Variants in GRXCR2 observed in about 807,000 individuals in gnomAD.
GRXCR2 encodes the protein glutaredoxin and cysteine rich domain containing 2.
A neutral mutation model predicts 24.8 loss-of-function variants in GRXCR2; 23 were observed. The ratio of observed to expected loss-of-function variants is 0.93; its 90% confidence interval spans 0.67 to 1.32. GRXCR2 has a LOEUF of 1.32. Among genes scored for constraint, GRXCR2 ranks in the 40% most tolerant of loss-of-function variants. The pLI is 0.00. For synonymous variants in GRXCR2, 130 were observed against 116.1 expected (o/e 1.12, Z -0.77); for missense variants, 315 against 303.4 (o/e 1.04, Z -0.28).
chr5:145,867,574 C>T (rs1756458258), intron 1 of GRXCR2, among the ~76,000 whole-genome samples: 1 of 152,106 alleles, frequency 6.6e-6, no homozygotes, highest in East Asian at 1.9e-4. Context: ...CAGGAATAAA[C>T]CTGGACAATA....
chr5:145,889,238 A>AAGAAAGAG (rs1561683205), intron 2 of GRXCR2, among the ~76,000 whole-genome samples: 17 of 149,032 alleles, frequency 1.1e-4, no homozygotes, highest in Admixed American at 5.4e-4. Flanking sequence ...GAAAGAAAGA[A>AAGAAAGAG]AGAAAGAATT....
chr5:145,870,597 A>T (rs191510137), intron 1 of GRXCR2, among the ~76,000 whole-genome samples: 44 of 152,296 alleles, frequency 2.9e-4, no homozygotes, highest in Non-Finnish European at 5.3e-4. Flanking sequence ...ATTGCACTTA[A>T]TTGCTACCCA....
chr5:145,862,326 T>G (rs549128222), intron 2 of GRXCR2, among the ~76,000 whole-genome samples: 1 of 152,366 alleles, frequency 6.6e-6, no homozygotes, highest in South Asian at 2.1e-4. Context: ...ATATCTAATG[T>G]CATATAGTTC....
chr5:145,923,998 A>T (rs146779984), intron 2 of GRXCR2, among the ~76,000 whole-genome samples: 1 of 152,244 alleles, frequency 6.6e-6, no homozygotes, highest in East Asian at 1.9e-4. Context: ...AATGATACTT[A>T]CAATTTTGAT....
intron 2 of GRXCR2, among the ~76,000 whole-genome samples, chr5:145,930,993 C>T (rs998807116): frequency 6.6e-6 from 1 of 152,102 alleles, no homozygotes; most frequent in Non-Finnish European, 1.5e-5. Context: ...AGATTCAAAC[C>T]GGGTCTGTTA....
rs1218535461 is a variant in GRXCR2 at position 145,866,619 on chromosome 5, T to C, written c.446A>G (p.Glu149Gly). Reference sequence around the variant, plus strand: ...CAGAGACTCTTCCTCAGCCTCCTCTTCCTTCTGGAGAATTTTCCTCACAAA... The same window carrying C: ...CAGAGACTCTTCCTCAGCCTCCTCTCCCTTCTGGAGAATTTTCCTCACAAA... ...RDFVRKILQK[E>G]EEAEEESLMN... Residue 149 changes from glutamate (E) to glycine (G), a missense_variant, in exon 2 of 3, where the codon GAA (glutamate) becomes GGA (glycine). By Grantham distance (98) the Glu-to-Gly change is moderately conservative (BLOSUM62 -2). Transcript: ENST00000377976. The C allele has an allele frequency of 5.0e-6, 8 of 1,614,030 alleles. No individual in the cohort carries two copies. The South Asian group carries it at 7.7e-5, about 16-fold the overall frequency.
Position 145,859,679 on chromosome 5 carries a change from T to C in GRXCR2, c.*54A>G, listed in dbSNP as rs1756295637. On this transcript the variant is annotated 3_prime_UTR_variant, in exon 3 of 3. Coordinates refer to ENST00000377976, the MANE Select transcript of GRXCR2 (RefSeq NM_001080516.2). Reference sequence around the variant, plus strand: ...AGGAGGAGGAGAAGGGGGCGGTTTATTAGAAATAACTTTAGGGAGGGTAAG... The same window carrying C: ...AGGAGGAGGAGAAGGGGGCGGTTTACTAGAAATAACTTTAGGGAGGGTAAG... The C allele has an allele frequency of 1.3e-6, 2 of 1,568,796 alleles. No individual in the cohort carries two copies. Among genetic ancestry groups the C allele is most frequent in the African/African-American group, 2.7e-5 (2 of 74,036 alleles).
upstream of GRXCR2, among the ~76,000 whole-genome samples, chr5:145,873,963 T>A (rs1581334786): frequency 6.6e-6 from 1 of 152,070 alleles, no homozygotes; most frequent in South Asian, 2.1e-4. Flanking sequence ...CACAGCTGAA[T>A]CCCAGAATAG....
intron 2 of GRXCR2, among the ~76,000 whole-genome samples, chr5:145,878,045 C>T (rs903598823): frequency 1.3e-5 from 2 of 152,168 alleles, no homozygotes; most frequent in African/African-American, 2.4e-5. Flanking sequence ...CTGTAGGTCA[C>T]GAACATCAAA....
intron 2 of GRXCR2, among the ~76,000 whole-genome samples, chr5:145,880,005 GAC>G (rs1432216338): frequency 6.6e-6 from 1 of 152,180 alleles, no homozygotes; most frequent in East Asian, 1.9e-4. Context: ...TGAGAGCAAA[GAC>G]ACAACGTACC....
intron 2 of GRXCR2, among the ~76,000 whole-genome samples, chr5:145,925,553 A>G (rs1242839794): frequency 6.6e-6 from 1 of 152,166 alleles, no homozygotes; most frequent in Admixed American, 6.6e-5. Context: ...GGAATGCAAT[A>G]AGAATTCCAA....
At chr5:145,907,031 C>T (rs921638515) in intron 2 of GRXCR2, among the ~76,000 whole-genome samples, 5 of 151,924 alleles carry the variant, frequency 3.3e-5, no homozygotes, top group Non-Finnish European at 5.9e-5. Context: ...AAGGCAGGAC[C>T]GTGCCTGGAA....
intron 2 of GRXCR2, among the ~76,000 whole-genome samples, chr5:145,901,987 A>G (rs1757032029): frequency 6.6e-6 from 1 of 152,196 alleles, no homozygotes; most frequent in African/African-American, 2.4e-5. Flanking sequence ...CATGGTATTC[A>G]TGGAGGGAGT....
chr5:145,929,498 C>T (rs925406319), intron 2 of GRXCR2, among the ~76,000 whole-genome samples: 6 of 152,106 alleles, frequency 3.9e-5, no homozygotes, highest in Non-Finnish European at 7.4e-5. Context: ...CGTCACACAA[C>T]TTCCCCCAAT....
intron 2 of GRXCR2, among the ~76,000 whole-genome samples, chr5:145,910,179 A>T (rs974180753): frequency 6.6e-6 from 1 of 152,220 alleles, no homozygotes; most frequent in Admixed American, 6.5e-5. Flanking sequence ...TGAATTCATT[A>T]CTAAAATAAA....
intron 2 of GRXCR2, among the ~76,000 whole-genome samples, chr5:145,896,794 A>G (rs1282740893): frequency 6.6e-6 from 1 of 152,190 alleles, no homozygotes; most frequent in Non-Finnish European, 1.5e-5. Flanking sequence ...GTATATACCC[A>G]AAGGATTATG....
chr5:145,899,499 C>G (rs555563940), intron 2 of GRXCR2, among the ~76,000 whole-genome samples: 1 of 152,276 alleles, frequency 6.6e-6, no homozygotes, highest in African/African-American at 2.4e-5. Flanking sequence ...CATCACCTGA[C>G]TTCAAACTAT....
chr5:145,908,198 G>A (rs909651348), intron 2 of GRXCR2, among the ~76,000 whole-genome samples: 6 of 152,070 alleles, frequency 3.9e-5, no homozygotes, highest in Non-Finnish European at 7.4e-5. Flanking sequence ...TCTAAATTCC[G>A]ACAATCCTAA....
chr5:145,902,375 T>C (rs1399267437), intron 2 of GRXCR2, among the ~76,000 whole-genome samples: 2 of 152,206 alleles, frequency 1.3e-5, no homozygotes, highest in Non-Finnish European at 2.9e-5. Flanking sequence ...AGTGCTGAGA[T>C]TATAGAATGT....
Sources: gnomAD v4.1 joint callset for allele counts (sites outside exome capture counted in the v4.1 genomes callset) on GRCh38, gnomAD v4.1.1 for gene constraint, MANE v1.5 for transcripts, NCBI Gene and HGNC (gene_info 2026-07-23, HGNC 2026-07-21) for gene names.